FAM124B: variants seen among roughly 807,000 people sequenced by gnomAD.
The protein encoded by FAM124B is protein FAM124B.
FAM124B carries 18 observed loss-of-function variants against 19.7 expected under a neutral mutation model. That is an observed-to-expected ratio of 0.92 (90% CI 0.63 to 1.36). FAM124B has a LOEUF of 1.36. Ranked by LOEUF, FAM124B falls within the 40% of genes most tolerant of loss-of-function variation. FAM124B has a pLI of 0.00. For missense variants in FAM124B, 540 were observed against 553.3 expected (o/e 0.98, Z 0.24); for synonymous variants, 223 against 225.2 (o/e 0.99, Z 0.09).
intron 1 of FAM124B, among the ~76,000 whole-genome samples, chr2:224,386,563 A>G (rs1233159927): frequency 1.3e-5 from 2 of 152,132 alleles, no homozygotes; most frequent in Admixed American, 6.5e-5. Flanking sequence ...TGTTATTATC[A>G]TCGTCATTAG....
rs750762038 is a variant in FAM124B, at chr2:224,401,050, T to G, written c.719A>C (p.Lys240Thr). ...AAACAGAAATACCTGAAGCAGAATC[T>G]TGTTGCCATCGTAGTCCTGAGTCTG... is the stretch of plus-strand genomic sequence containing the variant. ...RWQTQDYDGNKILLQVQLNPE... is the reference protein window; with the variant it reads ...RWQTQDYDGNTILLQVQLNPE... Residue 240 changes from lysine to threonine, a missense_variant, in exon 1 of 2, where the codon AAG becomes ACG. By Grantham distance (78) the Lys-to-Thr change is moderately conservative. Coordinates refer to ENST00000409685, the MANE Select transcript of FAM124B (RefSeq NM_001122779.2). 2.9e-5 allele frequency: 46 copies of G among 1,599,836 alleles called. No individual in the cohort carries two copies. The highest frequency in any genetic ancestry group is 3.8e-5 in the Non-Finnish European group (45 of 1,171,426).
At chr2:224,385,883 T>C (rs1689794325) in intron 1 of FAM124B, among the ~76,000 whole-genome samples, 4 of 152,160 alleles carry the variant, frequency 2.6e-5, no homozygotes. Flanking sequence ...TCATTCACCC[T>C]GGAGCAGGCC....
rs1574571873 is a variant in FAM124B at position 224,385,586 on chromosome 2, T to C, written c.733-5378A>G. 2.6e-5 allele frequency among the ~76,000 whole-genome samples: 4 copies of C among 152,186 alleles called. No individual in the cohort carries two copies. In the South Asian group the frequency reaches 8.3e-4, roughly 31 times the overall value. On this transcript the variant is annotated intron_variant, in intron 1 of 1. Coordinates refer to ENST00000409685, the MANE Select transcript of FAM124B (RefSeq NM_001122779.2). ...CCTCAGATCTGTCCCTTAAGCTTCA[T>C]CTGTCTCTTAAGCTTCACATCTACC...
chr2:224,382,208 C>T (rs935874504), intron 1 of FAM124B, among the ~76,000 whole-genome samples: 5 of 152,204 alleles, frequency 3.3e-5, no homozygotes, highest in Non-Finnish European at 7.3e-5. Context: ...AACTATCCAA[C>T]TCTGCTGCAG....
chr2:224,390,658 T>C (rs554212573), intron 1 of FAM124B, among the ~76,000 whole-genome samples: 3 of 151,228 alleles, frequency 2.0e-5, no homozygotes, highest in East Asian at 3.9e-4. Flanking sequence ...ATTAAATCAC[T>C]TGGAGGAAAG....
intron 1 of FAM124B, among the ~76,000 whole-genome samples, chr2:224,386,261 T>C (rs1423613130): frequency 6.6e-6 from 1 of 152,160 alleles, no homozygotes; most frequent in Non-Finnish European, 1.5e-5. Context: ...CCAGGGTTCA[T>C]ATATATTATT....
At position 224,379,627 on chromosome 2, in the gene FAM124B, A is replaced by T. The variant is rs1280007581; in HGVS notation, c.1314T>A (p.His438Gln). ...TRKTISECLL[H>Q]LQVQGEEKEE... is the part of the protein sequence containing the mutation. ...CTTTTTCTTCACCCTGAACTTGCAG[A>T]TGAAGGAGACATTCTGAAATTGTCT... The change falls in exon 2 of 2, where the codon CAT (histidine) becomes CAA (glutamine). Residue 438 changes from histidine (H) to glutamine (Q), a missense_variant. By Grantham distance (24) the His-to-Gln change is conservative. Transcript: ENST00000409685. 1.3e-6 allele frequency: 2 copies of T among 1,551,030 alleles called. No individual in the cohort carries two copies. Among genetic ancestry groups the T allele is most frequent in the African/African-American group, 2.7e-5 (2 of 72,998 alleles).
intron 1 of FAM124B, among the ~76,000 whole-genome samples, chr2:224,383,634 C>T (rs1574571023): frequency 1.3e-5 from 2 of 152,078 alleles, no homozygotes; most frequent in East Asian, 3.9e-4. Context: ...CCTCAAATCA[C>T]CCCCAAATTC....
intron 1 of FAM124B, among the ~76,000 whole-genome samples, chr2:224,383,130 T>C (rs1574570805): frequency 1.3e-5 from 2 of 152,174 alleles, no homozygotes; most frequent in Non-Finnish European, 2.9e-5. Context: ...GGGAACATCC[T>C]GGGATCATTA....
chr2:224,401,161 G>A lies in FAM124B; in HGVS notation c.608C>T (p.Ser203Leu), dbSNP rs371374350. Residue 203 changes from serine to leucine, a missense_variant, in exon 1 of 2, where the codon TCG becomes TTG. Transcript: ENST00000409685. ...CTCTTGAACCTTAAACTGCAGCACC[G>A]AAGACTCTTTGGGGTCCACTGACAT... is the stretch of plus-strand genomic sequence containing the variant. ...PGMSVDPKES[S>L]VLQFKVQEIG... 29 of 1,614,058 alleles carry A rather than the reference G, an allele frequency of 1.8e-5. No individual in the cohort carries two copies. The highest frequency in any genetic ancestry group is 6.7e-5 in the East Asian group (3 of 44,898).
intron 1 of FAM124B, among the ~76,000 whole-genome samples, chr2:224,388,927 G>A (rs1282110968): frequency 6.6e-6 from 1 of 152,030 alleles, no homozygotes; most frequent in Non-Finnish European, 1.5e-5. Flanking sequence ...GCGGCAAAGG[G>A]AGATTCTTTT....
chr2:224,390,017 C>A (rs958807057), intron 1 of FAM124B, among the ~76,000 whole-genome samples: 1 of 151,768 alleles, frequency 6.6e-6, no homozygotes, highest in African/African-American at 2.4e-5. Context: ...CAGGACACCC[C>A]CCACAACAAA....
intron 1 of FAM124B, among the ~76,000 whole-genome samples, chr2:224,391,659 A>G (rs1689890932): frequency 6.6e-6 from 1 of 152,232 alleles, no homozygotes; most frequent in African/African-American, 2.4e-5. Context: ...ATTCTTTTTA[A>G]AAGAAAACAA....
At chr2:224,396,940 T>C (rs1267318593) in intron 1 of FAM124B, among the ~76,000 whole-genome samples, 1 of 152,204 alleles carries the variant, frequency 6.6e-6, no homozygotes, top group South Asian at 2.1e-4. Context: ...CTGAGCACAC[T>C]GTGTAAGGCC....
At position 224,379,422 on chromosome 2, in the gene FAM124B, T is replaced by G. The variant is rs1689674918; in HGVS notation, c.*151A>C. On this transcript the variant is annotated 3_prime_UTR_variant, in exon 2 of 2. Transcript: ENST00000409685. ...AATCATTCCCAGCACCTTTAGACTTTGAACATTTGAAATAAAATCAATACA... is the reference window on the plus strand; with the variant it reads ...AATCATTCCCAGCACCTTTAGACTTGGAACATTTGAAATAAAATCAATACA... The G allele has an allele frequency of 6.3e-6, 7 of 1,113,896 alleles. No homozygotes were observed. Among genetic ancestry groups the G allele is most frequent in the Non-Finnish European group, 7.4e-6 (6 of 812,008 alleles). The allele number at this position is 1,113,896 out of a possible 1,614,324, so 69.0% of individuals were successfully genotyped here. A position where few individuals can be genotyped will look rare whatever the true frequency, so the allele number is the denominator to read the frequency against.
intron 1 of FAM124B, among the ~76,000 whole-genome samples, chr2:224,385,734 G>T (rs368875252): frequency 1.3e-5 from 2 of 152,228 alleles, no homozygotes; most frequent in African/African-American, 4.8e-5. Flanking sequence ...TATCTTAGAA[G>T]ATGGCACCAT....
chr2:224,391,814 T>C (rs978974449), intron 1 of FAM124B, among the ~76,000 whole-genome samples: 1 of 152,224 alleles, frequency 6.6e-6, no homozygotes, highest in Non-Finnish European at 1.5e-5. Flanking sequence ...AGTGGAGATA[T>C]TTATAACGAA....
chr2:224,383,439 G>A (rs188140664), intron 1 of FAM124B, among the ~76,000 whole-genome samples: 104 of 151,574 alleles, frequency 6.9e-4, no homozygotes, highest in Non-Finnish European at 9.9e-4. Flanking sequence ...CCACAGCTCC[G>A]CCCTCCCTCC....
Position 224,401,316 on chromosome 2 carries a change from G to A in FAM124B, c.453C>T (p.Asp151=), listed in dbSNP as rs755464550. 8 of 1,613,988 alleles carry A rather than the reference G, an allele frequency of 5.0e-6. No individual in the cohort carries two copies. In the Admixed American group the frequency reaches 1.2e-4, roughly 24 times the overall value. The change falls in exon 1 of 2, where the codon GAC becomes GAT. Residue 151 remains aspartate, a synonymous_variant. Coordinates refer to ENST00000409685, the MANE Select transcript of FAM124B (RefSeq NM_001122779.2). ...TLYCSFDNYE[D]AIRLYEMILQ... Reference sequence around the variant, plus strand: ...GGATCATCTCGTAGAGTCTGATGGCGTCTTCATAGTTATCAAAACTGCAGT... The same window carrying A: ...GGATCATCTCGTAGAGTCTGATGGCATCTTCATAGTTATCAAAACTGCAGT...
Sources: allele counts gnomAD v4.1 joint callset (sites outside exome capture counted in the v4.1 genomes callset), GRCh38; gene constraint gnomAD v4.1.1; transcripts MANE v1.5; gene names NCBI Gene and HGNC (gene_info 2026-07-23, HGNC 2026-07-21).